SPDYE16: variants seen among roughly 807,000 people sequenced by gnomAD.
SPDYE16 encodes speedy/RINGO cell cycle regulator family member E16.
A neutral mutation model predicts 40.1 loss-of-function variants in SPDYE16; 5 were observed. That is an observed-to-expected ratio of 0.12 (90% CI 0.07 to 0.26). The LOEUF (loss-of-function observed/expected upper bound fraction) is 0.26, where lower values mean the gene tolerates loss of function less well. Among genes scored for constraint, SPDYE16 ranks in the 10% least tolerant of loss-of-function variants. The pLI is 1.00. For synonymous variants in SPDYE16, 40 were observed against 154.2 expected (o/e 0.26, Z 5.49); for missense variants, 98 against 409.8 (o/e 0.24, Z 6.57).
chr7:76,541,440 C>T lies in SPDYE16; in HGVS notation c.20G>A (p.Arg7Lys). 6.5e-7 allele frequency: 1 copy of T among 1,534,694 alleles called. No homozygotes were observed. The change falls in exon 2 of 9, where the codon AGG (arginine) becomes AAG (lysine). Residue 7 changes from arginine to lysine, a missense_variant. Coordinates refer to ENST00000633306, the MANE Select transcript of SPDYE16 (RefSeq NM_001394943.1). The part of the protein sequence containing the change: MDRTET[R>K]FRKRGQIKGK... The stretch of plus-strand genomic sequence containing the variant: ...CTTAATCTGTCCCCTCTTACGGAAC[C>T]TAGTCTCCGTTCTGTCCATGGCCTT...
Position 76,533,556 on chromosome 7 carries a change from C to G in SPDYE16, c.*45+93G>C. On this transcript the variant is annotated intron_variant, in intron 8 of 8. Transcript: ENST00000633306. The stretch of plus-strand genomic sequence containing the variant: ...TGGAGAGGGGAATCTCGCCACGTTG[C>G]CCAGGCTTGAAGCCGGATCAAGCAA... 4.4e-6 allele frequency: 4 copies of G among 918,172 alleles called. 1 individual carries two copies. Among genetic ancestry groups the G allele is most frequent in the Non-Finnish European group, 5.7e-6 (4 of 702,074 alleles). 56.9% of individuals were successfully genotyped at this position (918,172 alleles called of 1,614,324 possible). A position where few individuals can be genotyped will look rare whatever the true frequency, so the allele number is the denominator to read the frequency against.
intron 6 of SPDYE16, among the ~76,000 whole-genome samples, chr7:76,535,630 G>A (rs1291463559): frequency 1.8e-5 from 1 of 56,682 alleles, no homozygotes; most frequent in Non-Finnish European, 3.2e-5. Flanking sequence ...CCCCTTAGGA[G>A]CGGTTTATGG....
At chr7:76,542,000 CATGTACAAGAGTG>C (rs1813199490) in intron 1 of SPDYE16, among the ~76,000 whole-genome samples, 120 bp from the exon 2 acceptor site, 4 of 116,202 alleles carry the variant, frequency 3.4e-5, no homozygotes, top group Non-Finnish European at 7.7e-5. Flanking sequence ...GTGAGATTAT[CATGTACAAGAGTG>C]AGATTATCAT....
chr7:76,533,501 C>A lies in SPDYE16; in HGVS notation c.*45+148G>T. On this transcript the variant is annotated intron_variant, in intron 8 of 8. Coordinates refer to ENST00000633306, the MANE Select transcript of SPDYE16 (RefSeq NM_001394943.1). ...AGTAGTTGGGAGTAGAGATGCATCCCACGTCGCCTGGCTAATTTTTGTATT... is the reference window on the plus strand; with the variant it reads ...AGTAGTTGGGAGTAGAGATGCATCCAACGTCGCCTGGCTAATTTTTGTATT... The A allele has an allele frequency of 2.5e-6, 2 of 797,208 alleles. 1 individual carries two copies. The highest frequency in any genetic ancestry group is 3.3e-6 in the Non-Finnish European group (2 of 607,628). The allele number at this position is 797,208 out of a possible 1,614,324, so 49.4% of individuals were successfully genotyped here. A position where few individuals can be genotyped will look rare whatever the true frequency, so the allele number is the denominator to read the frequency against.
In SPDYE16 at chr7:76,537,574, A is replaced by T; in HGVS notation, c.611-23T>A. ...CCTCTGTGATTAGAGAGCAGATGTC[A>T]GTGTGAGAAGCAGGACAGGGTTTCC... On this transcript the variant is annotated intron_variant, in intron 4 of 8. Transcript: ENST00000633306. 6 of 755,078 alleles carry T rather than the reference A, an allele frequency of 7.9e-6. 2 individuals are homozygous for T. Among genetic ancestry groups the T allele is most frequent in the South Asian group, 2.0e-5 (1 of 49,670 alleles). 46.8% of individuals were successfully genotyped at this position (755,078 alleles called of 1,614,324 possible).
chr7:76,541,258 T>C, intron 2 of SPDYE16, 42 bp downstream of exon 2: 2 of 1,530,206 alleles, frequency 1.3e-6, no homozygotes, highest in Non-Finnish European at 1.7e-6. Context: ...TCCTTCGTCT[T>C]AGTCAATCCT....
chr7:76,542,004 TACAA>T (rs1813199897), intron 1 of SPDYE16, among the ~76,000 whole-genome samples, 124 bp from the exon 2 acceptor site: 1 of 142,386 alleles, frequency 7.0e-6, no homozygotes, highest in Admixed American at 7.1e-5. Flanking sequence ...GATTATCATG[TACAA>T]GAGTGAGATT....
rs1321193517 is a variant in SPDYE16 at position 76,541,412 on chromosome 7, T to C, written c.48A>G (p.Gly16=). 8.5e-6 allele frequency: 13 copies of C among 1,534,698 alleles called. No homozygotes were observed. Among genetic ancestry groups the C allele is most frequent in the Non-Finnish European group, 1.1e-5 (13 of 1,146,632 alleles). ...GAGGTTGACGGCTGGTCGTGATCTT[T>C]CCCTTAATCTGTCCCCTCTTACGGA... ...TRFRKRGQIK[G]KITTSRQPHP... is the part of the protein sequence containing the mutation. Residue 16 remains glycine (G), a synonymous_variant, in exon 2 of 9, where the codon GGA becomes GGG. Coordinates refer to ENST00000633306, the MANE Select transcript of SPDYE16 (RefSeq NM_001394943.1).
At position 76,532,093 on chromosome 7, in the gene SPDYE16, TAA is replaced by T. The variant is rs1812937993; in HGVS notation, c.*745_*746del. 2.5e-5 allele frequency: 2 copies of T among 79,774 alleles called. 1 individual carries two copies. Among genetic ancestry groups the T allele is most frequent in the Admixed American group, 2.4e-4 (2 of 8,234 alleles). 4.9% of individuals were successfully genotyped at this position (79,774 alleles called of 1,614,324 possible). ...GAGATTATTATGGAAATATCATAGA[TAA>T]AAAGAGTGCTCACTTCAGGAGCACA... On this transcript the variant is annotated 3_prime_UTR_variant, in exon 9 of 9. Coordinates refer to ENST00000633306, the MANE Select transcript of SPDYE16 (RefSeq NM_001394943.1).
At position 76,541,290 on chromosome 7, in the gene SPDYE16, G is replaced by A. The variant is rs1813176565; in HGVS notation, c.160+10C>T. On this transcript the variant is annotated intron_variant, in intron 2 of 8. Transcript: ENST00000633306. Reference sequence around the variant, plus strand: ...TCCTATCCCACCTCTTCTTCCACCAGTCCCCTCACCTGATGATCCCAACAC... The same window carrying A: ...TCCTATCCCACCTCTTCTTCCACCAATCCCCTCACCTGATGATCCCAACAC... The A allele has an allele frequency of 3.3e-6, 5 of 1,533,644 alleles. No homozygotes were observed. The South Asian group carries it at 4.8e-5, about 15-fold the overall frequency.
In SPDYE16 at chr7:76,531,326, G is replaced by A. The variant is rs1357677166; in HGVS notation, c.*1514C>T. 5 of 120,774 alleles carry A rather than the reference G, an allele frequency of 4.1e-5. No homozygotes were observed. The highest frequency in any genetic ancestry group is 8.5e-5 in the Non-Finnish European group (5 of 58,970). 7.5% of individuals were successfully genotyped at this position (120,774 alleles called of 1,614,324 possible). A position where few individuals can be genotyped will look rare whatever the true frequency, so the allele number is the denominator to read the frequency against. On this transcript the variant is annotated 3_prime_UTR_variant, in exon 9 of 9. Transcript: ENST00000633306. ...AGACCAATATGATCACAGTTGCTGT[G>A]AAGGTGAGAAAAGTTCATTTTTATT...
Position 76,541,497 on chromosome 7 carries a change from T to C in SPDYE16, c.-38A>G, listed in dbSNP as rs1408385932. Reference sequence around the variant, plus strand: ...GACACTGCTAGGATCCAGAAGAGTATGTTATCAATTCTCAAGCCTAGGAGA... The same window carrying C: ...GACACTGCTAGGATCCAGAAGAGTACGTTATCAATTCTCAAGCCTAGGAGA... On this transcript the variant is annotated 5_prime_UTR_variant, in exon 2 of 9. Transcript: ENST00000633306. The C allele has an allele frequency of 9.1e-6, 14 of 1,533,206 alleles. No individual in the cohort carries two copies. The highest frequency in any genetic ancestry group is 2.0e-5 in the Admixed American group (1 of 50,762). The allele number at this position is 1,533,206 out of a possible 1,614,324, so 95.0% of individuals were successfully genotyped here.
At chr7:76,540,841 G>T (rs1462137681) in intron 2 of SPDYE16, among the ~76,000 whole-genome samples, 1 of 143,916 alleles carries the variant, frequency 6.9e-6, no homozygotes, top group Non-Finnish European at 1.5e-5. Flanking sequence ...CAAGTGATCC[G>T]CCTGCCTTGG....
In SPDYE16 at chr7:76,532,109, T is replaced by A. The variant is rs1338292799; in HGVS notation, c.*731A>T. ...TATCATAGATAAAAAGAGTGCTCACTTCAGGAGCACATATAATAATACAGA... is the reference window on the plus strand; with the variant it reads ...TATCATAGATAAAAAGAGTGCTCACATCAGGAGCACATATAATAATACAGA... On this transcript the variant is annotated 3_prime_UTR_variant, in exon 9 of 9. Coordinates refer to ENST00000633306, the MANE Select transcript of SPDYE16 (RefSeq NM_001394943.1). The A allele has an allele frequency of 1.2e-5, 1 of 80,802 alleles. No homozygotes were observed. Among genetic ancestry groups the A allele is most frequent in the Non-Finnish European group, 2.4e-5 (1 of 41,698 alleles). 5.0% of individuals were successfully genotyped at this position (80,802 alleles called of 1,614,324 possible).
intron 2 of SPDYE16, among the ~76,000 whole-genome samples, chr7:76,540,921 C>T (rs1309515847): frequency 6.9e-6 from 1 of 145,424 alleles, no homozygotes; most frequent in Non-Finnish European, 1.5e-5. Flanking sequence ...TCTTCCCACA[C>T]ACCCTCCTCA....
At chr7:76,541,019 T>C (rs1174205844) in intron 2 of SPDYE16, among the ~76,000 whole-genome samples, 7 of 125,704 alleles carry the variant, frequency 5.6e-5, no homozygotes, top group Admixed American at 1.6e-4. Context: ...CTCAGCTCAC[T>C]GCAACCTCTT....
At position 76,538,792 on chromosome 7, in the gene SPDYE16, G is replaced by C. The variant is rs200253035; in HGVS notation, c.404C>G (p.Pro135Arg). ...CCTTTTCCAGCAAAAGGACCTATGC[G>C]GGGGGCTGGGATCTACCCCAGGGGC... ...QLAPGVDPSP[P>R]HRSFCWKRKR... is the part of the protein sequence containing the mutation. Residue 135 changes from proline (P) to arginine (R), a missense_variant, in exon 4 of 9, where the codon CCG (proline) becomes CGG (arginine). Transcript: ENST00000633306. The C allele has an allele frequency of 3.1e-5, 32 of 1,023,116 alleles. 8 individuals are homozygous for C. The South Asian group carries it at 4.6e-4, about 15-fold the overall frequency. 63.4% of individuals were successfully genotyped at this position (1,023,116 alleles called of 1,614,324 possible). A position where few individuals can be genotyped will look rare whatever the true frequency, so the allele number is the denominator to read the frequency against.
intron 8 of SPDYE16, 68 bp from the exon 9 acceptor site, chr7:76,532,862 C>T (rs1399882747): frequency 1.4e-6 from 1 of 700,498 alleles, no homozygotes; most frequent in African/African-American, 2.8e-5. Flanking sequence ...TTATTCACGT[C>T]CCATGTCAAG....
chr7:76,534,715 A>C (rs1177903566), intron 6 of SPDYE16, among the ~76,000 whole-genome samples: 1 of 144,352 alleles, frequency 6.9e-6, no homozygotes. Flanking sequence ...AGATTGGGCC[A>C]CTCCATTCCA....
Sources: allele counts gnomAD v4.1 joint callset (sites outside exome capture counted in the v4.1 genomes callset), GRCh38; gene constraint gnomAD v4.1.1; transcripts MANE v1.5; gene names NCBI Gene and HGNC (gene_info 2026-07-23, HGNC 2026-07-21).